MDGA2: variants seen among roughly 807,000 people sequenced by gnomAD.
The protein encoded by MDGA2 is MAM domain containing glycosylphosphatidylinositol anchor 2.
Under a neutral mutation model 117.8 loss-of-function variants are expected in MDGA2, and 40 were observed. That is an observed-to-expected ratio of 0.34 (90% CI 0.26 to 0.44). MDGA2 has a LOEUF of 0.44. Among genes scored for constraint, MDGA2 ranks in the 20% least tolerant of loss-of-function variants. MDGA2 has a pLI of 1.00. For synonymous variants in MDGA2, 452 were observed against 439.0 expected (o/e 1.03, Z -0.37); for missense variants, 1,123 against 1,250.6 (o/e 0.90, Z 1.54).
intron 2 of MDGA2, among the ~76,000 whole-genome samples, chr14:47,226,491 T>C (rs180700235): frequency 6.6e-6 from 1 of 152,230 alleles, no homozygotes; most frequent in African/African-American, 2.4e-5. Flanking sequence ...GAGGAATTTA[T>C]TCACCTCTGT....
intron 1 of MDGA2, among the ~76,000 whole-genome samples, chr14:47,589,234 T>G (rs6572436): frequency 2.0e-5 from 3 of 151,784 alleles, no homozygotes; most frequent in African/African-American, 7.3e-5. Flanking sequence ...CTTTTGATGT[T>G]GTTTCTAAGA....
chr14:47,201,855 C>G (rs113951064), intron 3 of MDGA2, among the ~76,000 whole-genome samples: 2 of 152,218 alleles, frequency 1.3e-5, no homozygotes, highest in Admixed American at 1.3e-4. Context: ...TCCCACTCAT[C>G]ATCTGTAAAA....
intron 1 of MDGA2, among the ~76,000 whole-genome samples, chr14:47,577,507 T>A (rs1225807775): frequency 6.6e-6 from 1 of 152,074 alleles, no homozygotes; most frequent in African/African-American, 2.4e-5. Context: ...ACAGACAACC[T>A]ACAGAATGGG....
intron 1 of MDGA2, among the ~76,000 whole-genome samples, chr14:47,645,378 C>T (rs1221525526): frequency 2.0e-5 from 3 of 151,816 alleles, no homozygotes; most frequent in Non-Finnish European, 4.4e-5. Context: ...GGACTACAGG[C>T]GCATGACACC....
At chr14:47,033,126 A>G (rs1475377293) in intron 8 of MDGA2, among the ~76,000 whole-genome samples, 1 of 152,182 alleles carries the variant, frequency 6.6e-6, no homozygotes, top group Non-Finnish European at 1.5e-5. Context: ...TGTCATTCCT[A>G]TTATAGAGTT....
intron 1 of MDGA2, among the ~76,000 whole-genome samples, chr14:47,655,288 C>A (rs1172109704): frequency 1.3e-5 from 2 of 152,098 alleles, no homozygotes; most frequent in African/African-American, 2.4e-5. Flanking sequence ...TCCATCTCTA[C>A]CAAGAAGGTG....
chr14:46,852,788 G>A (rs998995326), intron 15 of MDGA2, among the ~76,000 whole-genome samples: 9 of 151,696 alleles, frequency 5.9e-5, no homozygotes, highest in South Asian at 2.1e-4. Context: ...CTCTAGTCTC[G>A]CCTAAGAAAT....
At chr14:47,485,530 A>G (rs1232946583) in intron 1 of MDGA2, among the ~76,000 whole-genome samples, 3 of 152,202 alleles carry the variant, frequency 2.0e-5, no homozygotes, top group Non-Finnish European at 4.4e-5. Flanking sequence ...AGAAATTTGC[A>G]TAAGTAAGGA....
chr14:47,644,885 A>G (rs1253892088), intron 1 of MDGA2, among the ~76,000 whole-genome samples: 1 of 152,094 alleles, frequency 6.6e-6, no homozygotes, highest in Non-Finnish European at 1.5e-5. Context: ...ATCTATCTTA[A>G]AATAATAATT....
intron 8 of MDGA2, among the ~76,000 whole-genome samples, chr14:46,974,406 C>G (rs1260852679): frequency 6.6e-6 from 1 of 151,812 alleles, no homozygotes; most frequent in African/African-American, 2.4e-5. Flanking sequence ...CTCAAGAGAC[C>G]CTGAATAGCC....
intron 1 of MDGA2, among the ~76,000 whole-genome samples, chr14:47,578,139 G>A (rs1353730266): frequency 6.6e-6 from 1 of 152,122 alleles, no homozygotes; most frequent in Non-Finnish European, 1.5e-5. Context: ...GAAGCTGGGA[G>A]TCATTATCCT....
intron 11 of MDGA2, 151 bp downstream of exon 11, chr14:46,881,893 T>G (rs1882475200): frequency 2.2e-6 from 1 of 445,602 alleles, no homozygotes; most frequent in Admixed American, 3.9e-5. Context: ...AGGTTTTTGT[T>G]TTTGTTTTTT....
intron 2 of MDGA2, among the ~76,000 whole-genome samples, chr14:47,268,776 C>G (rs748121129): frequency 2.6e-5 from 4 of 152,144 alleles, no homozygotes; most frequent in Non-Finnish European, 4.4e-5. Flanking sequence ...CAAACTATGT[C>G]TGAAACATTC....
intron 8 of MDGA2, among the ~76,000 whole-genome samples, chr14:46,994,242 C>G (rs774503202): frequency 1.3e-5 from 2 of 152,102 alleles, no homozygotes; most frequent in Non-Finnish European, 2.9e-5. Flanking sequence ...GGAACCCTAC[C>G]AAGCTCTGCC....
chr14:47,410,820 T>A (rs563786393), intron 1 of MDGA2, among the ~76,000 whole-genome samples: 104 of 152,306 alleles, frequency 6.8e-4, no homozygotes, highest in African/African-American at 2.1e-3. Context: ...TCAAATTTAC[T>A]TTTTTACTAA....
intron 2 of MDGA2, among the ~76,000 whole-genome samples, chr14:47,224,734 A>C (rs1017198002): frequency 2.0e-5 from 3 of 152,212 alleles, no homozygotes; most frequent in African/African-American, 7.2e-5. Context: ...AGCCTTGGGA[A>C]CTAAACCTAA....
intron 1 of MDGA2, among the ~76,000 whole-genome samples, chr14:47,515,587 C>G (rs1354902077): frequency 6.6e-6 from 1 of 152,052 alleles, no homozygotes; most frequent in Non-Finnish European, 1.5e-5. Context: ...TGAATCTAAT[C>G]TAACACCCTA....
intron 5 of MDGA2, among the ~76,000 whole-genome samples, chr14:47,102,286 A>G (rs1880369751): frequency 8.9e-6 from 1 of 112,412 alleles, no homozygotes; most frequent in Admixed American, 8.8e-5. Flanking sequence ...TTTAAGCTCA[A>G]GACTTTTTTT....
chr14:46,922,744 G>A (rs2138519012), intron 9 of MDGA2, among the ~76,000 whole-genome samples: 1 of 152,218 alleles, frequency 6.6e-6, no homozygotes, highest in East Asian at 1.9e-4. Context: ...TATAACAAAA[G>A]ATGTAAAAAC....
Sources: allele counts gnomAD v4.1 joint callset (sites outside exome capture counted in the v4.1 genomes callset), GRCh38; gene constraint gnomAD v4.1.1; transcripts MANE v1.5; gene names NCBI Gene and HGNC (gene_info 2026-07-23, HGNC 2026-07-21).